The following N4BP2 variants were observed in gnomAD, a reference collection of about 807,000 sequenced individuals.
The protein encoded by N4BP2 is NEDD4 binding protein 2.
N4BP2 carries 91 observed loss-of-function variants against 152.8 expected under a neutral mutation model. That is an observed-to-expected ratio of 0.60 (90% CI 0.50 to 0.71). The LOEUF (loss-of-function observed/expected upper bound fraction) is 0.71. N4BP2 is among the 30% of genes least tolerant of loss of function. N4BP2 has a pLI of 0.00. For synonymous variants in N4BP2, 646 were observed against 705.3 expected (o/e 0.92, Z 1.33); for missense variants, 1,923 against 2,059.1 (o/e 0.93, Z 1.28).
At chr4:40,158,375 C>G (rs1217817182), downstream of N4BP2, 1 of 152,050 alleles carries the variant, frequency 6.6e-6, no homozygotes, top group Admixed American at 6.6e-5. Context: ...TATTTCTGTA[C>G]CAAAACTTTT....
chr4:40,147,589 A>G (rs1429108243), intron 16 of N4BP2, among the ~76,000 whole-genome samples: 1 of 122,560 alleles, frequency 8.2e-6, no homozygotes, highest in African/African-American at 3.2e-5. Flanking sequence ...GTGGGGGCTG[A>G]CCCCCCCACC....
chr4:40,096,125 C>T (rs961181899), intron 2 of N4BP2, among the ~76,000 whole-genome samples: 10 of 152,118 alleles, frequency 6.6e-5, no homozygotes, highest in African/African-American at 2.4e-4. Flanking sequence ...AAGTAGACTG[C>T]CTGTAGTTCT....
chr4:40,107,926 CTTT>C (rs11290025), intron 5 of N4BP2, among the ~76,000 whole-genome samples: 28 of 143,986 alleles, frequency 1.9e-4, no homozygotes, highest in Admixed American at 2.8e-4. Flanking sequence ...TCCTATGTAT[CTTT>C]TTTTTTTTTT....
chr4:40,160,228 C>T (rs1478070655), downstream of N4BP2, among the ~76,000 whole-genome samples: 1 of 152,134 alleles, frequency 6.6e-6, no homozygotes, highest in Non-Finnish European at 1.5e-5. Context: ...GCAGGAAGTA[C>T]ATTAGTCAAA....
chr4:40,072,523 C>T (rs1234594865), intron 1 of N4BP2, among the ~76,000 whole-genome samples: 5 of 151,486 alleles, frequency 3.3e-5, no homozygotes, highest in African/African-American at 9.7e-5. Context: ...GGATTACAGG[C>T]GTGAGCCACC....
chr4:40,120,947 C>T lies in N4BP2; in HGVS notation c.2836C>T (p.Leu946=). The T allele has an allele frequency of 6.2e-7, 1 of 1,614,148 alleles. No homozygotes were observed. Among genetic ancestry groups the T allele is most frequent in the Non-Finnish European group, 8.5e-7 (1 of 1,180,016 alleles). ...ACTAAAGACATTGGGTAGCTCCAAT[C>T]TAGGAAGTTCTGAAATGCTGCTCAG... ...QKLKTLGSSN[L]GSSEMLLSEM... The change falls in exon 9 of 18, where the codon CTA becomes TTA. Residue 946 remains leucine (L), a synonymous_variant. Transcript: ENST00000261435.
At chr4:40,146,695 T>G (rs912286981) in intron 16 of N4BP2, among the ~76,000 whole-genome samples, 2 of 152,172 alleles carry the variant, frequency 1.3e-5, no homozygotes, top group African/African-American at 4.8e-5. Context: ...TGACTTACTC[T>G]CATAGCAAAT....
At chr4:40,131,568 TTG>T (rs60430101) in intron 12 of N4BP2, among the ~76,000 whole-genome samples, 14,455 of 151,642 alleles carry the variant, frequency 0.095, 683 homozygotes, top group Middle Eastern at 0.12. Context: ...ATACATGTGA[TTG>T]TGTGTGTGTG....
intron 2 of N4BP2, among the ~76,000 whole-genome samples, chr4:40,094,416 CTGT>C (rs1255010416): frequency 6.6e-6 from 1 of 152,104 alleles, no homozygotes; most frequent in Admixed American, 6.5e-5. Context: ...TTTATTCTGT[CTGT>C]TGTTGATAGA....
At chr4:40,081,453 C>T (rs533722235) in intron 2 of N4BP2, among the ~76,000 whole-genome samples, 66 of 152,168 alleles carry the variant, frequency 4.3e-4, no homozygotes, top group African/African-American at 1.6e-3. Flanking sequence ...CAAGACCAAT[C>T]TGACCAACAT....
chr4:40,102,688 A>C lies in N4BP2; in HGVS notation c.843A>C (p.Glu281Asp). The C allele has an allele frequency of 1.2e-6, 2 of 1,614,216 alleles. No homozygotes were observed. The highest frequency in any genetic ancestry group is 1.7e-6 in the Non-Finnish European group (2 of 1,180,042). ...AGTGCGTTGAGGCTCAATTCTCTGA[A>C]GCTCCTGTAGATTTGGATGCCAGTG... Reference protein sequence around the residue: ...ESECVEAQFSEAPVDLDASEP... With the variant: ...ESECVEAQFSDAPVDLDASEP... The change falls in exon 4 of 18, where the codon GAA becomes GAC. Residue 281 changes from glutamate (E) to aspartate (D), a missense_variant. By Grantham distance (45) the Glu-to-Asp change is conservative. Coordinates refer to ENST00000261435, the MANE Select transcript of N4BP2 (RefSeq NM_018177.6).
chr4:40,187,721 C>T, the N4BP2 span, among the ~76,000 whole-genome samples: 7 of 152,220 alleles, frequency 4.6e-5, no homozygotes, highest in Non-Finnish European at 1.0e-4. Context: ...GACAATCACA[C>T]ACCTCATCTA....
chr4:40,147,945 G>A (rs1720754306), intron 16 of N4BP2, among the ~76,000 whole-genome samples: 1 of 151,870 alleles, frequency 6.6e-6, no homozygotes, highest in African/African-American at 2.4e-5. Flanking sequence ...GCCGGGCAGA[G>A]ACGCTCCTCA....
chr4:40,103,219 G>A lies in N4BP2; in HGVS notation c.1373+1G>A. ...GATCTGGAAAATCTTTTTTGGCAAG[G>A]TATGAGGTTTGATTGGGTTTTTAAA... is the stretch of plus-strand genomic sequence containing the variant. On this transcript the variant is annotated splice_donor_variant, in intron 4 of 17. Transcript: ENST00000261435. LOFTEE classifies it high-confidence loss of function. 8 of 1,592,820 alleles carry A rather than the reference G, an allele frequency of 5.0e-6. No homozygotes were observed. The highest frequency in any genetic ancestry group is 6.8e-6 in the Non-Finnish European group (8 of 1,171,902).
intron 2 of N4BP2, among the ~76,000 whole-genome samples, chr4:40,094,521 A>T: frequency 6.6e-6 from 1 of 152,088 alleles, no homozygotes; most frequent in East Asian, 1.9e-4. Context: ...TTTAGTGCAT[A>T]TACATTTAGG....
chr4:40,163,980 CTT>C, the N4BP2 span, among the ~76,000 whole-genome samples: 8 of 152,284 alleles, frequency 5.3e-5, no homozygotes, highest in Admixed American at 6.5e-5. Flanking sequence ...AGTTAAGTGA[CTT>C]TTCTCCAGCA....
intron 2 of N4BP2, among the ~76,000 whole-genome samples, chr4:40,092,008 T>TTA (rs1221314746): frequency 0.047 from 1,271 of 27,200 alleles, 85 homozygotes; most frequent in African/African-American, 0.079. Context: ...AAAAAAAAAA[T>TTA]TATATATATA....
chr4:40,123,842 G>A (rs1281833664), intron 10 of N4BP2, among the ~76,000 whole-genome samples: 2 of 151,908 alleles, frequency 1.3e-5, no homozygotes, highest in African/African-American at 4.8e-5. Context: ...CAGAATTAAA[G>A]ACTTCAATGC....
intron 2 of N4BP2, among the ~76,000 whole-genome samples, chr4:40,086,921 G>T (rs1714025249): frequency 6.6e-6 from 1 of 151,720 alleles, no homozygotes; most frequent in Non-Finnish European, 1.5e-5. Context: ...GTTTTTAAAA[G>T]ATTTTTTGTA....
Sources: allele counts gnomAD v4.1 joint callset (sites outside exome capture counted in the v4.1 genomes callset), GRCh38; gene constraint gnomAD v4.1.1; transcripts MANE v1.5; gene names NCBI Gene and HGNC (gene_info 2026-07-23, HGNC 2026-07-21).